The following RALY variants were observed in gnomAD, a reference collection of about 807,000 sequenced individuals.
RALY encodes the protein RALY heterogeneous nuclear ribonucleoprotein.
In RALY, 15 loss-of-function variants were observed where a neutral mutation model predicts 30.7. The observed-to-expected ratio is 0.49, with a 90% CI of 0.33 to 0.75. RALY has a LOEUF of 0.75. Ranked by LOEUF, RALY falls within the 30% of genes least tolerant of loss-of-function variation. The pLI, the probability that RALY is intolerant of heterozygous loss-of-function variation, is 0.02. For synonymous variants in RALY, 177 were observed against 170.8 expected, an observed-to-expected ratio of 1.04 and a Z score of -0.28; for missense variants, 339 against 414.3, an observed-to-expected ratio of 0.82 and a Z score of 1.58.
rs138754807 is a variant in RALY, at chr20:34,023,165, A to G, written c.-92-8357A>G. ...GGCCAGGCACTAGTCTAGGCAGTTT[A>G]CGTAATTTTTTCCCCTCATTTATCT... On this transcript the variant is annotated intron_variant, in intron 1 of 9. Transcript: ENST00000246194. Among the ~76,000 whole-genome samples the G allele has an allele frequency of 3.3e-3, 510 of 152,346 alleles. 1 individual carries two copies. Among genetic ancestry groups the G allele is most frequent in the African/African-American group, 0.012 (486 of 41,570 alleles).
chr20:34,045,710 C>T (rs993169675), intron 2 of RALY, among the ~76,000 whole-genome samples: 2 of 152,186 alleles, frequency 1.3e-5, no homozygotes, highest in African/African-American at 4.8e-5. Context: ...GTAGCTCTCT[C>T]CCATTTCTCA....
intron 2 of RALY, among the ~76,000 whole-genome samples, chr20:34,042,231 G>A (rs1177983172): frequency 3.9e-5 from 6 of 152,220 alleles, no homozygotes; most frequent in East Asian, 1.9e-4. Context: ...GACGATCCCC[G>A]CTCCCGCCGA....
In RALY at chr20:34,035,182, A is replaced by C. The variant is rs1424890714; in HGVS notation, c.-10+3578A>C. On this transcript the variant is annotated intron_variant, in intron 2 of 9. Transcript: ENST00000246194. ...AAAAAAAAAAAAAAAAAAAAAAAAA[A>C]AAAAACAGTCTGGAGGCCACTTAAT... Among the ~76,000 whole-genome samples the C allele has an allele frequency of 4.9e-5, 7 of 144,118 alleles. 1 individual carries two copies. The highest frequency in any genetic ancestry group is 2.2e-4 in the South Asian group (1 of 4,638). 94.5% of individuals were successfully genotyped at this position (144,118 alleles called of 152,430 possible).
intron 1 of RALY, among the ~76,000 whole-genome samples, chr20:34,002,072 G>A (rs190768046): frequency 2.6e-5 from 4 of 152,226 alleles, no homozygotes; most frequent in African/African-American, 7.2e-5. Context: ...TGACCACGTC[G>A]TTTCCTTTTT....
Position 34,000,295 on chromosome 20 carries a change from CT to C in RALY, c.-93+6169del, listed in dbSNP as rs140090024. Among the ~76,000 whole-genome samples, 49 of 151,950 alleles carry C rather than the reference CT, an allele frequency of 3.2e-4. No individual in the cohort carries two copies. In the East Asian group the frequency reaches 8.9e-3, roughly 28 times the overall value. ...TGTGTGGGCTGGACTAAGGTCCTTT[CT>C]TTTTATAGCCCTGTTTCCTCATAAA... On this transcript the variant is annotated intron_variant, in intron 1 of 9. Coordinates refer to ENST00000246194, the MANE Select transcript of RALY (RefSeq NM_016732.3).
chr20:34,063,432 T>C (rs184864704), intron 2 of RALY, among the ~76,000 whole-genome samples: 73 of 152,314 alleles, frequency 4.8e-4, no homozygotes, highest in African/African-American at 1.7e-3. Context: ...AGCATGCAAC[T>C]TAATGTGACT....
At chr20:34,057,666 C>G (rs1160735590) in intron 2 of RALY, among the ~76,000 whole-genome samples, 1 of 67,368 alleles carries the variant, frequency 1.5e-5, no homozygotes, top group Non-Finnish European at 2.9e-5. Context: ...GACTCCGTCT[C>G]AAAAAAAAAA....
At chr20:33,999,984 C>A (rs1189650106) in intron 1 of RALY, among the ~76,000 whole-genome samples, 1 of 152,084 alleles carries the variant, frequency 6.6e-6, no homozygotes, top group Admixed American at 6.5e-5. Context: ...TTTCTTTCTT[C>A]TTCTCCCCCT....
chr20:34,073,875 G>A lies in RALY; in HGVS notation c.377+9G>A, dbSNP rs573626234. 1 of 1,613,760 alleles carries A rather than the reference G, an allele frequency of 6.2e-7. No homozygotes were observed. Among genetic ancestry groups the A allele is most frequent in the South Asian group, 1.1e-5 (1 of 91,076 alleles). ...GACGACTTCTACGACAGGTGAGCAGGGGAGGGGCGTGCCCAGGCATGAAAC... is the reference window on the plus strand; with the variant it reads ...GACGACTTCTACGACAGGTGAGCAGAGGAGGGGCGTGCCCAGGCATGAAAC... On this transcript the variant is annotated intron_variant, in intron 5 of 9. Coordinates refer to ENST00000246194, the MANE Select transcript of RALY (RefSeq NM_016732.3).
chr20:34,052,578 G>A (rs966356036), intron 2 of RALY, among the ~76,000 whole-genome samples: 1 of 152,202 alleles, frequency 6.6e-6, no homozygotes, highest in Non-Finnish European at 1.5e-5. Context: ...CAAGCTTTCT[G>A]TTTTGATGTG....
intron 1 of RALY, among the ~76,000 whole-genome samples, chr20:34,014,258 C>T (rs1221142980): frequency 6.6e-6 from 1 of 152,120 alleles, no homozygotes; most frequent in Admixed American, 6.5e-5. Flanking sequence ...TATGTAGGGC[C>T]AGTACCTACT....
chr20:34,024,236 C>T (rs1240687306), intron 1 of RALY, among the ~76,000 whole-genome samples: 2 of 152,138 alleles, frequency 1.3e-5, no homozygotes, highest in African/African-American at 2.4e-5. Context: ...AGTGTCTGGT[C>T]GGAGCTTTGG....
chr20:34,072,453 T>G, intron 3 of RALY, 123 bp downstream of exon 3: 2 of 1,285,402 alleles, frequency 1.6e-6, no homozygotes, highest in Non-Finnish European at 2.1e-6. Context: ...TATAAATTTA[T>G]AAGCTATGTT....
intron 1 of RALY, among the ~76,000 whole-genome samples, chr20:34,008,239 T>TC (rs1183709581): frequency 6.6e-6 from 1 of 152,204 alleles, no homozygotes; most frequent in Admixed American, 6.5e-5. Flanking sequence ...CTCTTTTTTT[T>TC]CTCTTGTGTT....
At chr20:34,061,802 G>A (rs1284960517) in intron 2 of RALY, among the ~76,000 whole-genome samples, 1 of 152,216 alleles carries the variant, frequency 6.6e-6, no homozygotes, top group African/African-American at 2.4e-5. Context: ...GGTCAAAGGT[G>A]TGGTAAGTAA....
intron 7 of RALY, 54 bp downstream of exon 7, chr20:34,076,869 A>ATGGGG (rs1371358747): frequency 1.3e-6 from 2 of 1,598,370 alleles, no homozygotes; most frequent in Non-Finnish European, 1.7e-6. Flanking sequence ...AGGGCAGAGC[A>ATGGGG]TGGGGAAATA....
intron 2 of RALY, among the ~76,000 whole-genome samples, chr20:34,059,665 A>G (rs1028704648): frequency 3.3e-5 from 5 of 152,308 alleles, no homozygotes; most frequent in Admixed American, 1.3e-4. Context: ...CCCCATTACT[A>G]TTTTAACTTA....
intron 2 of RALY, among the ~76,000 whole-genome samples, chr20:34,046,062 C>G (rs2032869866): frequency 6.6e-6 from 1 of 152,192 alleles, no homozygotes; most frequent in Admixed American, 6.5e-5. Flanking sequence ...TTTGTTTGGT[C>G]TTTGTCATGT....
chr20:34,077,473 A>C, intron 8 of RALY: 17 of 863,190 alleles, frequency 2.0e-5, no homozygotes, highest in Admixed American at 3.0e-5. Context: ...CCTCCCCCAA[A>C]TGCGGGCACA....
Sources: allele counts gnomAD v4.1 joint callset (sites outside exome capture counted in the v4.1 genomes callset), GRCh38; gene constraint gnomAD v4.1.1; transcripts MANE v1.5; gene names NCBI Gene and HGNC (gene_info 2026-07-23, HGNC 2026-07-21).